The following ARAP2 variants were observed in gnomAD, a reference collection of about 807,000 sequenced individuals.
The protein encoded by ARAP2 is ArfGAP with RhoGAP domain, ankyrin repeat and PH domain 2.
ARAP2 carries 148 observed loss-of-function variants against 194.5 expected under a neutral mutation model. The observed-to-expected ratio is 0.76, with a 90% CI of 0.67 to 0.87. The LOEUF (loss-of-function observed/expected upper bound fraction) is 0.87. Ranked by LOEUF, ARAP2 falls within the 40% of genes least tolerant of loss-of-function variation. The probability of loss-of-function intolerance (pLI) is 0.00; values close to 1 mark genes in which losing one functional copy is unlikely to be tolerated. For missense variants in ARAP2, 2,128 were observed against 1,989.7 expected, an observed-to-expected ratio of 1.07 and a Z score of -1.32; for synonymous variants, 695 against 683.5, an observed-to-expected ratio of 1.02 and a Z score of -0.26.
chr4:36,155,732 G>A (rs1438532884), intron 15 of ARAP2, among the ~76,000 whole-genome samples: 1 of 150,720 alleles, frequency 6.6e-6, no homozygotes, highest in Non-Finnish European at 1.5e-5. Flanking sequence ...GCGCAATCTC[G>A]GCTCACTGCA....
intron 20 of ARAP2, among the ~76,000 whole-genome samples, chr4:36,130,190 CTG>C (rs1343436975): frequency 6.6e-6 from 1 of 151,964 alleles, no homozygotes; most frequent in Non-Finnish European, 1.5e-5. Flanking sequence ...ATGCAGCCCT[CTG>C]TGTGTCTCAA....
chr4:36,243,409 A>AAAAT (rs1198587637), intron 1 of ARAP2, among the ~76,000 whole-genome samples: 1 of 147,264 alleles, frequency 6.8e-6, no homozygotes, highest in African/African-American at 2.6e-5. Flanking sequence ...AAAAAAAAGA[A>AAAAT]TTTGCTATCA....
chr4:36,220,329 A>G (rs1578324232), intron 2 of ARAP2, among the ~76,000 whole-genome samples: 1 of 152,146 alleles, frequency 6.6e-6, no homozygotes, highest in African/African-American at 2.4e-5. Flanking sequence ...ATGAGAATGA[A>G]AAATTCCTAT....
At chr4:36,174,192 C>A (rs1159729374) in intron 9 of ARAP2, among the ~76,000 whole-genome samples, 4 of 152,040 alleles carry the variant, frequency 2.6e-5, no homozygotes, top group Non-Finnish European at 5.9e-5. Context: ...TACAGTGTAA[C>A]CTATACAAAC....
chr4:36,053,203 A>G (rs930492094), intron 2 of ARAP2, among the ~76,000 whole-genome samples: 11 of 151,856 alleles, frequency 7.2e-5, no homozygotes, highest in African/African-American at 2.7e-4. Flanking sequence ...GAGTGGTTTT[A>G]CCATCTTGGC....
chr4:36,190,955 A>G (rs191079198), intron 7 of ARAP2, among the ~76,000 whole-genome samples: 1 of 152,376 alleles, frequency 6.6e-6, no homozygotes, highest in Non-Finnish European at 1.5e-5. Context: ...AACTAGACCA[A>G]TAAGTGCTCT....
chr4:36,128,700 T>G lies in ARAP2; in HGVS notation c.3473A>C (p.His1158Pro). The G allele has an allele frequency of 4.3e-6, 7 of 1,612,576 alleles. No homozygotes were observed. The highest frequency in any genetic ancestry group is 5.9e-6 in the Non-Finnish European group (7 of 1,179,268). Residue 1158 changes from histidine (H) to proline (P), a missense_variant, in exon 21 of 33, where the codon CAT (histidine) becomes CCT (proline). Coordinates refer to ENST00000303965, the MANE Select transcript of ARAP2 (RefSeq NM_015230.4). ...YIYQKNGDPL[H>P]ISELLESFKK... Reference sequence around the variant, plus strand: ...GAAACTCTCCAGGAGTTCACTTATATGCAAAGGATCACCATTCTTTTGATA... The same window carrying G: ...GAAACTCTCCAGGAGTTCACTTATAGGCAAAGGATCACCATTCTTTTGATA...
intron 19 of ARAP2, among the ~76,000 whole-genome samples, chr4:36,146,754 T>C (rs1729714575): frequency 6.6e-6 from 1 of 152,106 alleles, no homozygotes; most frequent in African/African-American, 2.4e-5. Flanking sequence ...TAATTATTTT[T>C]GTCTGCTTAC....
At chr4:36,198,507 T>C (rs1435682247) in intron 6 of ARAP2, among the ~76,000 whole-genome samples, 1 of 152,204 alleles carries the variant, frequency 6.6e-6, no homozygotes, top group Non-Finnish European at 1.5e-5. Context: ...GCGCCCAGGC[T>C]GTTCATGTCA....
At chr4:36,198,378 G>A (rs1743618497) in intron 6 of ARAP2, among the ~76,000 whole-genome samples, 1 of 152,220 alleles carries the variant, frequency 6.6e-6, no homozygotes, top group African/African-American at 2.4e-5. Flanking sequence ...TTCCTACTGT[G>A]GTCTGCAGGA....
intron 6 of ARAP2, among the ~76,000 whole-genome samples, chr4:36,209,608 G>T (rs751777557): frequency 6.6e-6 from 1 of 151,992 alleles, no homozygotes; most frequent in Non-Finnish European, 1.5e-5. Flanking sequence ...CATTTCAAGA[G>T]AATAGGAGTG....
At chr4:36,059,800 T>G (rs1241151520) in intron 1 of ARAP2, among the ~76,000 whole-genome samples, 1 of 152,168 alleles carries the variant, frequency 6.6e-6, no homozygotes. Context: ...TGTAAAATGC[T>G]GTAGATGGTG....
chr4:36,160,654 A>AC lies in ARAP2; in HGVS notation c.2260-14_2260-13insG. ...TGACAATAAAAAGCTGAATTGTCAA[A>AC]AAAAAAACCCCATAATATATCAGTT... On this transcript the variant is annotated splice_polypyrimidine_tract_variant and intron_variant, in intron 12 of 32. Transcript: ENST00000303965. 6.9e-7 allele frequency: 1 copy of AC among 1,444,572 alleles called. No homozygotes were observed. The highest frequency in any genetic ancestry group is 9.1e-7 in the Non-Finnish European group (1 of 1,102,848). The allele number at this position is 1,444,572 out of a possible 1,614,324, so 89.5% of individuals were successfully genotyped here. A position where few individuals can be genotyped will look rare whatever the true frequency, so the allele number is the denominator to read the frequency against.
intron 20 of ARAP2, among the ~76,000 whole-genome samples, chr4:36,132,251 G>C (rs1235407214): frequency 6.6e-6 from 1 of 151,542 alleles, no homozygotes; most frequent in Admixed American, 6.6e-5. Context: ...CCAGTGACTG[G>C]CATACAACAA....
intron 27 of ARAP2, among the ~76,000 whole-genome samples, chr4:36,094,094 G>A (rs766601936): frequency 6.6e-6 from 1 of 152,072 alleles, no homozygotes; most frequent in African/African-American, 2.4e-5. Context: ...CGTTATTTTT[G>A]TAGCTCAGAG....
chr4:36,179,495 A>C (rs1024731517), intron 8 of ARAP2, among the ~76,000 whole-genome samples: 9 of 152,236 alleles, frequency 5.9e-5, no homozygotes, highest in Admixed American at 3.3e-4. Context: ...GTACGTAAGA[A>C]GACCCATGGA....
intron 9 of ARAP2, among the ~76,000 whole-genome samples, chr4:36,174,651 G>T (rs915317704): frequency 3.3e-5 from 5 of 152,092 alleles, no homozygotes; most frequent in African/African-American, 1.2e-4. Context: ...CAGAAATTCT[G>T]AATTAACAAA....
chr4:36,225,525 TA>T (rs1750120307), intron 2 of ARAP2, among the ~76,000 whole-genome samples: 1 of 152,030 alleles, frequency 6.6e-6, no homozygotes, highest in African/African-American at 2.4e-5. Context: ...AGTCCTGATC[TA>T]GCTTTCAAGA....
Position 36,082,263 on chromosome 4 carries a change from T to A in ARAP2, c.4532A>T (p.Glu1511Val), listed in dbSNP as rs1280316917. 2 of 1,611,398 alleles carry A rather than the reference T, an allele frequency of 1.2e-6. No homozygotes were observed. The highest frequency in any genetic ancestry group is 1.7e-6 in the Non-Finnish European group (2 of 1,178,876). The change falls in exon 30 of 33, where the codon GAG becomes GTG. Residue 1511 changes from glutamate to valine, a missense_variant. Physicochemically the swap from Glu to Val is moderately radical, Grantham distance 121 (BLOSUM62 -2). Transcript: ENST00000303965. ...PTSWGLTAYSEKHHWHLCCDS... is the reference protein window; with the variant it reads ...PTSWGLTAYSVKHHWHLCCDS... ...GCTGTTAACTTACCAGTGATGTTTCTCAGAATATGCGGTCAATCCCCAGCT... is the reference window on the plus strand; with the variant it reads ...GCTGTTAACTTACCAGTGATGTTTCACAGAATATGCGGTCAATCCCCAGCT...
Sources: allele counts gnomAD v4.1 joint callset (sites outside exome capture counted in the v4.1 genomes callset), GRCh38; gene constraint gnomAD v4.1.1; transcripts MANE v1.5; gene names NCBI Gene and HGNC (gene_info 2026-07-23, HGNC 2026-07-21).